CDH13: variants seen among roughly 807,000 people sequenced by gnomAD.
CDH13 encodes the protein cadherin-13.
CDH13 carries 24 observed loss-of-function variants against 63.8 expected under a neutral mutation model. The ratio of observed to expected loss-of-function variants is 0.38; its 90% CI spans 0.27 to 0.53. The LOEUF (loss-of-function observed/expected upper bound fraction) is 0.53. Ranked by LOEUF, CDH13 falls within the 20% of genes least tolerant of loss-of-function variation. CDH13 has a pLI of 0.85. For missense variants in CDH13, 1,049 were observed against 903.1 expected (o/e 1.16, Z -2.07); for synonymous variants, 503 against 355.3 (o/e 1.42, Z -4.67).
At chr16:82,961,767 G>A (rs1158108437) in intron 2 of CDH13, among the ~76,000 whole-genome samples, 5 of 152,042 alleles carry the variant, frequency 3.3e-5, no homozygotes, top group African/African-American at 1.2e-4. Context: ...TCTCAAGTTG[G>A]GGTGATTTGG....
At chr16:83,560,180 T>C (rs187411419) in intron 7 of CDH13, among the ~76,000 whole-genome samples, 8 of 152,204 alleles carry the variant, frequency 5.3e-5, no homozygotes, top group Admixed American at 5.2e-4. Context: ...ATAGGAGAGG[T>C]CTCCCTCTCA....
At chr16:83,276,115 A>G (rs2088979448) in intron 5 of CDH13, among the ~76,000 whole-genome samples, 1 of 152,168 alleles carries the variant, frequency 6.6e-6, no homozygotes, top group South Asian at 2.1e-4. Flanking sequence ...AGGAGCACTC[A>G]GTTCAAACTC....
At chr16:82,668,308 C>A (rs913851420) in intron 1 of CDH13, among the ~76,000 whole-genome samples, 1 of 152,098 alleles carries the variant, frequency 6.6e-6, no homozygotes, top group African/African-American at 2.4e-5. Context: ...GAACTGCCAA[C>A]CCCAGGGATG....
intron 8 of CDH13, among the ~76,000 whole-genome samples, chr16:83,618,286 A>AT (rs896858703): frequency 1.3e-5 from 2 of 152,076 alleles, no homozygotes; most frequent in African/African-American, 4.8e-5. Flanking sequence ...TTAGCCAGGC[A>AT]TGGTGGCATG....
intron 1 of CDH13, among the ~76,000 whole-genome samples, chr16:82,709,161 G>T (rs563348475): frequency 1.3e-5 from 2 of 152,176 alleles, no homozygotes; most frequent in Non-Finnish European, 2.9e-5. Context: ...GAATGAAGAT[G>T]AGTCTTTGAA....
At chr16:83,481,292 C>CCTGA (rs2073754737) in intron 6 of CDH13, among the ~76,000 whole-genome samples, 1 of 152,114 alleles carries the variant, frequency 6.6e-6, no homozygotes, top group African/African-American at 2.4e-5. Context: ...AAAAAATGAG[C>CCTGA]CTGACACTTT....
chr16:82,691,730 G>T (rs1001803966), intron 1 of CDH13, among the ~76,000 whole-genome samples: 1 of 152,166 alleles, frequency 6.6e-6, no homozygotes, highest in African/African-American at 2.4e-5. Context: ...GGCTAATGGA[G>T]AGTTGAAGGG....
At chr16:82,688,147 A>G (rs1049012194) in intron 1 of CDH13, among the ~76,000 whole-genome samples, 2 of 152,178 alleles carry the variant, frequency 1.3e-5, no homozygotes, top group African/African-American at 4.8e-5. Context: ...ACCACAGGGT[A>G]GTTGCTTGGC....
chr16:83,038,317 T>A (rs1260372764), intron 3 of CDH13, among the ~76,000 whole-genome samples: 2 of 152,222 alleles, frequency 1.3e-5, no homozygotes, highest in Non-Finnish European at 1.5e-5. Context: ...GTCTGATTGT[T>A]AATGACTTAA....
chr16:83,747,940 C>T lies in CDH13; in HGVS notation c.1539-168C>T, dbSNP rs140015316. Among the ~76,000 whole-genome samples the T allele has an allele frequency of 6.6e-5, 10 of 152,070 alleles. 1 individual carries two copies. The highest frequency in any genetic ancestry group is 2.4e-4 in the African/African-American group (10 of 41,434). On this transcript the variant is annotated intron_variant, in intron 10 of 13. Coordinates refer to ENST00000567109, the MANE Select transcript of CDH13 (RefSeq NM_001257.5). ...GCTTAACACAAAGCAGACCCAGAGT[C>T]AGTGGCCTCTTGACTTTGTGAATGA...
chr16:83,168,760 A>G (rs893611661), intron 4 of CDH13, among the ~76,000 whole-genome samples: 21 of 152,266 alleles, frequency 1.4e-4, no homozygotes, highest in African/African-American at 4.8e-4. Flanking sequence ...CATATGTAAG[A>G]TTAAACTATA....
chr16:82,988,404 C>T (rs939688579), intron 2 of CDH13, among the ~76,000 whole-genome samples: 3 of 151,848 alleles, frequency 2.0e-5, no homozygotes, highest in Non-Finnish European at 4.4e-5. Flanking sequence ...AAATTGGAGG[C>T]TGGAGTTATA....
At chr16:82,807,031 C>A (rs898302672) in intron 1 of CDH13, among the ~76,000 whole-genome samples, 1 of 151,106 alleles carries the variant, frequency 6.6e-6, no homozygotes, top group African/African-American at 2.4e-5. Context: ...GGTTTTCAGT[C>A]CAAATGACAA....
chr16:83,313,835 A>C (rs2090050721), intron 5 of CDH13, among the ~76,000 whole-genome samples: 1 of 152,180 alleles, frequency 6.6e-6, no homozygotes, highest in Non-Finnish European at 1.5e-5. Context: ...TGTTTTGAAT[A>C]AACTGATCCT....
At chr16:82,736,616 T>C (rs2033686923) in intron 1 of CDH13, among the ~76,000 whole-genome samples, 1 of 152,230 alleles carries the variant, frequency 6.6e-6, no homozygotes, top group African/African-American at 2.4e-5. Context: ...ATGGTATTTT[T>C]TTCCTCTCTC....
At chr16:83,186,398 A>C (rs1469617487) in intron 4 of CDH13, among the ~76,000 whole-genome samples, 1 of 151,926 alleles carries the variant, frequency 6.6e-6, no homozygotes, top group Non-Finnish European at 1.5e-5. Context: ...CGGCCTCCCA[A>C]AGTGCTGGGA....
intron 6 of CDH13, among the ~76,000 whole-genome samples, chr16:83,354,646 G>T (rs141815047): frequency 0.016 from 2,423 of 152,286 alleles, 30 homozygotes; most frequent in East Asian, 0.052. Flanking sequence ...GTGAAATAAA[G>T]GAGCCTACCA....
intron 2 of CDH13, among the ~76,000 whole-genome samples, chr16:82,924,255 C>T (rs2042239648): frequency 7.0e-6 from 1 of 143,320 alleles, no homozygotes; most frequent in Non-Finnish European, 1.6e-5. Flanking sequence ...TATGTGGTTG[C>T]TTTATGATAA....
At chr16:82,665,389 G>A (rs186797874) in intron 1 of CDH13, among the ~76,000 whole-genome samples, 113 of 152,246 alleles carry the variant, frequency 7.4e-4, no homozygotes, top group Non-Finnish European at 9.3e-4. Context: ...CGAGGCGCAC[G>A]TAAAACAAGG....
Sources: gnomAD v4.1 joint callset for allele counts (sites outside exome capture counted in the v4.1 genomes callset) on GRCh38, gnomAD v4.1.1 for gene constraint, MANE v1.5 for transcripts, NCBI Gene and HGNC (gene_info 2026-07-23, HGNC 2026-07-21) for gene names.